The following ADAMTS12 variants were observed in gnomAD, a reference collection of about 807,000 sequenced individuals.
The protein encoded by ADAMTS12 is A disintegrin and metalloproteinase with thrombospondin motifs 12.
In ADAMTS12, 118 loss-of-function variants were observed where a neutral mutation model predicts 167.8. That is an observed-to-expected ratio of 0.70 (90% confidence interval 0.61 to 0.82). ADAMTS12 has a LOEUF of 0.82. Among genes scored for constraint, ADAMTS12 ranks in the 40% least tolerant of loss-of-function variants. The pLI is 0.00. For missense variants in ADAMTS12, 1,916 were observed against 1,998.8 expected (o/e 0.96, Z 0.79); for synonymous variants, 704 against 716.9 (o/e 0.98, Z 0.29).
At chr5:33,655,452 T>G (rs1423422555) in intron 7 of ADAMTS12, among the ~76,000 whole-genome samples, 1 of 152,090 alleles carries the variant, frequency 6.6e-6, no homozygotes, top group Non-Finnish European at 1.5e-5. Context: ...AGTTTGTCCA[T>G]GGGATTAAGG....
At chr5:33,600,604 A>G (rs915955320) in intron 16 of ADAMTS12, among the ~76,000 whole-genome samples, 1 of 152,206 alleles carries the variant, frequency 6.6e-6, no homozygotes, top group African/African-American at 2.4e-5. Context: ...GATACTTAAG[A>G]CAGTGAACAT....
At chr5:33,860,653 A>C (rs890068101) in intron 2 of ADAMTS12, among the ~76,000 whole-genome samples, 8 of 152,314 alleles carry the variant, frequency 5.3e-5, no homozygotes, top group African/African-American at 1.9e-4. Flanking sequence ...AAATTCAGGA[A>C]ATACAGGGAA....
At chr5:33,835,945 CTCTCTCTCTG>C (rs1748501831) in intron 2 of ADAMTS12, among the ~76,000 whole-genome samples, 1 of 41,962 alleles carries the variant, frequency 2.4e-5, no homozygotes, top group Non-Finnish European at 5.1e-5. Context: ...CTCTCTCTCT[CTCTCTCTCTG>C]TGTGTGTGTG....
In ADAMTS12 at chr5:33,549,254, A is replaced by G; in HGVS notation, c.4255T>C (p.Cys1419Arg). Residue 1419 changes from cysteine to arginine, a missense_variant, in exon 21 of 24, where the codon TGT becomes CGT. Physicochemically the swap from Cys to Arg is radical, Grantham distance 180. Coordinates refer to ENST00000504830, the MANE Select transcript of ADAMTS12 (RefSeq NM_030955.4). ...CACGCCTCACAGGGCTCCGGGTTAC[A>G]GCTCATGCTCAATGGGGGAGGAATG... ...AGIPPPLSMSCNPEPCEAWQV... is the reference protein window; with the variant it reads ...AGIPPPLSMSRNPEPCEAWQV... The G allele has an allele frequency of 6.2e-7, 1 of 1,614,164 alleles. No homozygotes were observed.
chr5:33,621,012 G>A (rs1739297708), intron 14 of ADAMTS12, among the ~76,000 whole-genome samples: 1 of 152,154 alleles, frequency 6.6e-6, no homozygotes, highest in Non-Finnish European at 1.5e-5. Context: ...ACCAGTATAA[G>A]GGGAAGAGGA....
intron 20 of ADAMTS12, among the ~76,000 whole-genome samples, chr5:33,554,058 T>A (rs1745380197): frequency 6.6e-6 from 1 of 152,138 alleles, no homozygotes; most frequent in Non-Finnish European, 1.5e-5. Flanking sequence ...AAATAAAGAT[T>A]ATATGCCATA....
intron 2 of ADAMTS12, among the ~76,000 whole-genome samples, chr5:33,808,769 C>T (rs781322842): frequency 6.6e-6 from 1 of 152,144 alleles, no homozygotes; most frequent in Non-Finnish European, 1.5e-5. Flanking sequence ...TAGATAAACT[C>T]CTTTCACAGA....
intron 17 of ADAMTS12, among the ~76,000 whole-genome samples, chr5:33,590,527 C>T (rs527536798): frequency 1.3e-5 from 2 of 152,282 alleles, no homozygotes; most frequent in South Asian, 2.1e-4. Context: ...CCTCTGTTGC[C>T]CTTCCTCCTT....
intron 18 of ADAMTS12, among the ~76,000 whole-genome samples, chr5:33,578,963 GA>G (rs1236416589): frequency 6.6e-6 from 1 of 152,158 alleles, no homozygotes; most frequent in Non-Finnish European, 1.5e-5. Context: ...AATTTGGGCG[GA>G]AATGATGCTT....
intron 6 of ADAMTS12, 26 bp downstream of exon 6, chr5:33,661,889 CT>C: frequency 6.2e-7 from 1 of 1,612,392 alleles, no homozygotes. Flanking sequence ...TTTACTGCCC[CT>C]GGGTTTCATG....
chr5:33,734,099 G>A (rs903471441), intron 3 of ADAMTS12, among the ~76,000 whole-genome samples: 3 of 152,078 alleles, frequency 2.0e-5, no homozygotes. Flanking sequence ...CAGACAAGGA[G>A]GGAGGCAGCC....
intron 2 of ADAMTS12, among the ~76,000 whole-genome samples, chr5:33,845,671 G>A (rs150008277): frequency 1.9e-3 from 291 of 152,294 alleles, no homozygotes; most frequent in African/African-American, 6.8e-3. Context: ...TAACTTTACA[G>A]GAGAGAAGCC....
intron 3 of ADAMTS12, among the ~76,000 whole-genome samples, chr5:33,697,180 T>A (rs6451015): frequency 0.77 from 116,540 of 152,096 alleles, 44,863 homozygotes; most frequent in South Asian, 0.86. Flanking sequence ...GTGGTGTGTA[T>A]ATATTCAGAA....
chr5:33,602,356 A>T (rs1423538), intron 16 of ADAMTS12, among the ~76,000 whole-genome samples: 87,758 of 152,062 alleles, frequency 0.58, 25,525 homozygotes, highest in Middle Eastern at 0.65. Context: ...TTACTAGTAG[A>T]TTATTTTATA....
chr5:33,563,928 G>C (rs1198563499), intron 19 of ADAMTS12, among the ~76,000 whole-genome samples: 2 of 152,238 alleles, frequency 1.3e-5, no homozygotes, highest in African/African-American at 2.4e-5. Context: ...AAATGAGGTA[G>C]AGTGAGGACA....
At chr5:33,625,511 G>A (rs911433364) in intron 13 of ADAMTS12, among the ~76,000 whole-genome samples, 3 of 152,106 alleles carry the variant, frequency 2.0e-5, no homozygotes, top group Non-Finnish European at 4.4e-5. Flanking sequence ...AATGAGCTAT[G>A]GAGATTGACT....
chr5:33,617,139 G>T (rs1177793314), intron 14 of ADAMTS12, among the ~76,000 whole-genome samples: 1 of 151,934 alleles, frequency 6.6e-6, no homozygotes, highest in African/African-American at 2.4e-5. Flanking sequence ...ATTGAATGAT[G>T]ACGTCTGCGG....
intron 19 of ADAMTS12, among the ~76,000 whole-genome samples, chr5:33,564,634 C>G (rs757940651): frequency 3.9e-5 from 6 of 152,190 alleles, no homozygotes; most frequent in African/African-American, 1.4e-4. Flanking sequence ...GTGTTCTAAG[C>G]AGGAGTGGTA....
intron 17 of ADAMTS12, among the ~76,000 whole-genome samples, chr5:33,592,703 C>G (rs980535019): frequency 8.5e-5 from 13 of 152,068 alleles, no homozygotes; most frequent in Admixed American, 5.9e-4. Context: ...AAAAATCTCT[C>G]TCAAATACTC....
Sources: gnomAD v4.1 joint callset for allele counts (sites outside exome capture counted in the v4.1 genomes callset) on GRCh38, gnomAD v4.1.1 for gene constraint, MANE v1.5 for transcripts, NCBI Gene and HGNC (gene_info 2026-07-23, HGNC 2026-07-21) for gene names.